MEGF6: variants seen among roughly 807,000 people sequenced by gnomAD.
The protein encoded by MEGF6 is multiple epidermal growth factor-like domains protein 6.
Under a neutral mutation model 207.1 loss-of-function variants are expected in MEGF6, and 184 were observed. The observed-to-expected ratio is 0.89, with a 90% confidence interval of 0.79 to 1.00. The LOEUF is 1.00. Ranked by LOEUF, MEGF6 falls within the 50% of genes least tolerant of loss-of-function variation. MEGF6 has a pLI of 0.00. For synonymous variants in MEGF6, 1,038 were observed against 910.0 expected (o/e 1.14, Z -2.53); for missense variants, 2,282 against 2,202.9 (o/e 1.04, Z -0.72).
At chr1:3,586,177 GGTGT>G (rs1038277204) in intron 3 of MEGF6, among the ~76,000 whole-genome samples, 1 of 150,860 alleles carries the variant, frequency 6.6e-6, no homozygotes, top group African/African-American at 2.5e-5. Flanking sequence ...CCTGTGTGTG[GGTGT>G]GAGTGTGGAC....
intron 4 of MEGF6, among the ~76,000 whole-genome samples, chr1:3,571,200 A>T (rs1353003128): frequency 6.6e-6 from 1 of 152,072 alleles, no homozygotes; most frequent in East Asian, 1.9e-4. Context: ...TCCAGAAACC[A>T]GAGAGTGCTC....
At chr1:3,617,986 C>T in the MEGF6 span, among the ~76,000 whole-genome samples, 1 of 152,164 alleles carries the variant, frequency 6.6e-6, no homozygotes, top group African/African-American at 2.4e-5. Context: ...AGCCCCCGGC[C>T]CAGAGAGGAG....
chr1:3,538,021 C>T (rs1642386405), intron 4 of MEGF6, among the ~76,000 whole-genome samples: 1 of 152,128 alleles, frequency 6.6e-6, no homozygotes, highest in Admixed American at 6.5e-5. Flanking sequence ...ACAGCATGGC[C>T]CAGAAGGTAC....
intron 2 of MEGF6, 52 bp downstream of exon 2, chr1:3,602,414 C>T: frequency 1.2e-6 from 2 of 1,611,086 alleles, no homozygotes; most frequent in Non-Finnish European, 1.7e-6. Flanking sequence ...GTGGTCAGTG[C>T]CGCCCTTTGT....
chr1:3,579,783 TGGCCATGGCCA>T (rs1643746824), intron 4 of MEGF6, 31 bp downstream of exon 4: 1 of 1,376,554 alleles, frequency 7.3e-7, no homozygotes, highest in Admixed American at 3.4e-5. Flanking sequence ...GCCCACAGGC[TGGCCATGGCCA>T]GGGCCTTGGT....
chr1:3,590,075 C>G (rs1438199242), intron 3 of MEGF6, among the ~76,000 whole-genome samples: 1 of 152,218 alleles, frequency 6.6e-6, no homozygotes, highest in African/African-American at 2.4e-5. Flanking sequence ...TGGCCTCCCC[C>G]TCCCCTGGGC....
At chr1:3,604,996 G>A (rs1644221088) in intron 1 of MEGF6, among the ~76,000 whole-genome samples, 1 of 151,958 alleles carries the variant, frequency 6.6e-6, no homozygotes. Flanking sequence ...CCACCCTGCT[G>A]TGACCCAAGG....
chr1:3,514,774 C>T, intron 6 of MEGF6, 102 bp from the exon 7 acceptor site: 1 of 1,306,132 alleles, frequency 7.7e-7, no homozygotes, highest in Non-Finnish European at 1.0e-6. Flanking sequence ...CCAGTGCTCT[C>T]CCCACTCTGT....
intron 16 of MEGF6, 35 bp from the exon 17 acceptor site, chr1:3,505,377 C>G (rs1333425810): frequency 6.2e-7 from 1 of 1,605,740 alleles, no homozygotes; most frequent in Non-Finnish European, 8.5e-7. Context: ...GTGGGGTTAA[C>G]CGACCCTGGC....
Position 3,512,024 on chromosome 1 carries a change from C to T in MEGF6, c.958G>A (p.Asp320Asn), listed in dbSNP as rs762873581. The change falls in exon 8 of 37, where the codon GAT (aspartate) becomes AAT (asparagine). Residue 320 changes from aspartate to asparagine, a missense_variant. Physicochemically the swap from Asp to Asn is conservative, Grantham distance 23. Coordinates refer to ENST00000356575, the MANE Select transcript of MEGF6 (RefSeq NM_001409.4). Reference sequence around the variant, plus strand: ...CACTCACGGTAGCACTGCCGGCCATCGGCGCCCAGCTCATAGCCCGCGTGA... The same window carrying T: ...CACTCACGGTAGCACTGCCGGCCATTGGCGCCCAGCTCATAGCCCGCGTGA... ...VCHAGYELGADGRQCYRIEME... is the reference protein window; with the variant it reads ...VCHAGYELGANGRQCYRIEME... The T allele has an allele frequency of 6.5e-5, 105 of 1,612,420 alleles. No homozygotes were observed. Among genetic ancestry groups the T allele is most frequent in the Middle Eastern group, 1.7e-4 (1 of 5,832 alleles).
At chr1:3,605,016 G>C (rs1284195515) in intron 1 of MEGF6, among the ~76,000 whole-genome samples, 1 of 151,892 alleles carries the variant, frequency 6.6e-6, no homozygotes, top group Non-Finnish European at 1.5e-5. Flanking sequence ...GCTGACCTCT[G>C]TGGATCACAT....
chr1:3,543,413 A>G (rs1642592744), intron 4 of MEGF6, among the ~76,000 whole-genome samples: 1 of 151,964 alleles, frequency 6.6e-6, no homozygotes, highest in Admixed American at 6.5e-5. Flanking sequence ...GCGCTCACTC[A>G]CTCGCTCGGC....
At chr1:3,502,671 T>C (rs1024941194) in intron 17 of MEGF6, among the ~76,000 whole-genome samples, 2 of 151,866 alleles carry the variant, frequency 1.3e-5, no homozygotes, top group African/African-American at 4.8e-5. Flanking sequence ...GGAGAGAACG[T>C]GGGGGCTGAG....
chr1:3,558,826 A>G (rs1279251963), intron 4 of MEGF6, among the ~76,000 whole-genome samples: 1 of 152,174 alleles, frequency 6.6e-6, no homozygotes, highest in East Asian at 1.9e-4. Context: ...TGTTTCTAAC[A>G]AATACTAGCC....
At chr1:3,538,381 T>C (rs573685209) in intron 4 of MEGF6, among the ~76,000 whole-genome samples, 1 of 152,300 alleles carries the variant, frequency 6.6e-6, no homozygotes, top group South Asian at 2.1e-4. Flanking sequence ...CCCCGAACCA[T>C]TCCAATGTCA....
intron 4 of MEGF6, among the ~76,000 whole-genome samples, chr1:3,537,403 G>A (rs1249964964): frequency 6.6e-6 from 1 of 152,260 alleles, no homozygotes. Context: ...TCCTGACCGA[G>A]GTGGCCATGT....
At chr1:3,501,622 G>A (rs1301622863) in intron 18 of MEGF6, among the ~76,000 whole-genome samples, 174 bp downstream of exon 18, 2 of 152,090 alleles carry the variant, frequency 1.3e-5, no homozygotes, top group Non-Finnish European at 2.9e-5. Context: ...CAGGAACTTG[G>A]TGGGGCAGCC....
In MEGF6 at chr1:3,592,666, GGCTCAGGGGTA is replaced by G. The variant is rs553775158; in HGVS notation, c.376+2661_376+2671del. On this transcript the variant is annotated intron_variant, in intron 3 of 36. Transcript: ENST00000356575. Reference sequence around the variant, plus strand: ...CAGGCAGCACCCCTCCCACCCTTGGGGCTCAGGGGTAGCCCGTGTGAACCCTGACTCCTACC... The same window carrying G: ...CAGGCAGCACCCCTCCCACCCTTGGGGCCCGTGTGAACCCTGACTCCTACC... 4.7e-3 allele frequency among the ~76,000 whole-genome samples: 717 copies of G among 152,274 alleles called. 4 individuals carry two copies. Among genetic ancestry groups the G allele is most frequent in the African/African-American group, 0.017 (688 of 41,556 alleles).
chr1:3,515,957 G>A (rs1641527696), intron 5 of MEGF6, among the ~76,000 whole-genome samples: 2 of 152,260 alleles, frequency 1.3e-5, no homozygotes, highest in Admixed American at 6.5e-5. Flanking sequence ...GGGTGACTGA[G>A]ACCCAGGCAT....
Sources: gnomAD v4.1 joint callset for allele counts (sites outside exome capture counted in the v4.1 genomes callset) on GRCh38, gnomAD v4.1.1 for gene constraint, MANE v1.5 for transcripts, NCBI Gene and HGNC (gene_info 2026-07-23, HGNC 2026-07-21) for gene names.